The following PAPPA2 variants were observed in gnomAD, a reference collection of about 807,000 sequenced individuals.
PAPPA2 encodes the protein pappalysin 2, also known as pappalysin-2.
A neutral mutation model predicts 176.4 loss-of-function variants in PAPPA2; 86 were observed. The ratio of observed to expected loss-of-function variants is 0.49; its 90% CI spans 0.41 to 0.58. The LOEUF is 0.58. Among genes scored for constraint, PAPPA2 ranks in the 20% least tolerant of loss-of-function variants. PAPPA2 has a pLI of 0.00. For synonymous variants in PAPPA2, 809 were observed against 852.2 expected (o/e 0.95, Z 0.88); for missense variants, 2,073 against 2,256.9 (o/e 0.92, Z 1.65).
intron 2 of PAPPA2, among the ~76,000 whole-genome samples, chr1:176,582,869 T>A (rs190023495): frequency 1.4e-3 from 210 of 152,332 alleles, no homozygotes; most frequent in African/African-American, 5.0e-3. Context: ...AATTTTGTAG[T>A]AAAGCAGTGA....
At chr1:176,520,948 C>T (rs1299117241) in intron 1 of PAPPA2, among the ~76,000 whole-genome samples, 1 of 152,006 alleles carries the variant, frequency 6.6e-6, no homozygotes, top group African/African-American at 2.4e-5. Context: ...GACTCCTTTT[C>T]TAAATAAAAA....
chr1:176,819,452 G>C (rs958951960), intron 21 of PAPPA2, among the ~76,000 whole-genome samples: 1 of 151,422 alleles, frequency 6.6e-6, no homozygotes, highest in African/African-American at 2.4e-5. Context: ...AAGAAGAGTT[G>C]GTTCCACTTC....
intron 2 of PAPPA2, among the ~76,000 whole-genome samples, chr1:176,579,209 TC>T (rs760055955): frequency 4.6e-5 from 7 of 151,790 alleles, no homozygotes; most frequent in East Asian, 2.0e-4. Flanking sequence ...ATCTCACTTT[TC>T]TTTTTGTTAC....
At chr1:176,466,274 A>G (rs7527035) in intron 1 of PAPPA2, among the ~76,000 whole-genome samples, 46,785 of 152,114 alleles carry the variant, frequency 0.31, 11,158 homozygotes, top group African/African-American at 0.67. Flanking sequence ...CGGCCAAGCT[A>G]CTGTGGAAGG....
In PAPPA2 at chr1:176,594,944, G is replaced by T. The variant is rs1487227127; in HGVS notation, c.1340G>T (p.Gly447Val). Reference sequence around the variant, plus strand: ...CAGCACAGTTCTCAGCATTCAAGTGGGGAGGAGGAAGCGACTGACTTGGTC... The same window carrying T: ...CAGCACAGTTCTCAGCATTCAAGTGTGGAGGAGGAAGCGACTGACTTGGTC... ...HFQHSSQHSSGEEEATDLVLT... is the reference protein window; with the variant it reads ...HFQHSSQHSSVEEEATDLVLT... Residue 447 changes from glycine (G) to valine (V), a missense_variant, in exon 3 of 23, where the codon GGG becomes GTG. Transcript: ENST00000367662. 1 of 1,614,224 alleles carries T rather than the reference G, an allele frequency of 6.2e-7. No homozygotes were observed. Among genetic ancestry groups the T allele is most frequent in the African/African-American group, 1.3e-5 (1 of 75,066 alleles).
Position 176,556,294 on chromosome 1 carries a change from C to A in PAPPA2, c.-29C>A, listed in dbSNP as rs764955457. The A allele has an allele frequency of 6.3e-7, 1 of 1,596,870 alleles. No individual in the cohort carries two copies. The highest frequency in any genetic ancestry group is 8.5e-7 in the Non-Finnish European group (1 of 1,171,076). ...TGGTGTGGTACCCAGAAGTTGACTT[C>A]TGGTTCTGTAGAAAGAGCTAGGGGA... On this transcript the variant is annotated 5_prime_UTR_variant, in exon 2 of 23. The change creates a new upstream start codon in the 5' untranslated region. Coordinates refer to ENST00000367662, the MANE Select transcript of PAPPA2 (RefSeq NM_020318.3).
At chr1:176,732,951 CT>C (rs1662230306) in intron 12 of PAPPA2, among the ~76,000 whole-genome samples, 1 of 152,290 alleles carries the variant, frequency 6.6e-6, no homozygotes, top group Non-Finnish European at 1.5e-5. Context: ...TATTGCCCCC[CT>C]GAGCTCCACC....
chr1:176,629,056 G>T (rs906891392), intron 3 of PAPPA2, among the ~76,000 whole-genome samples: 1 of 152,192 alleles, frequency 6.6e-6, no homozygotes, highest in African/African-American at 2.4e-5. Flanking sequence ...TTCTCAGAGA[G>T]AGACATTTAC....
At chr1:176,482,033 G>C (rs1007151887) in intron 1 of PAPPA2, among the ~76,000 whole-genome samples, 9 of 152,136 alleles carry the variant, frequency 5.9e-5, no homozygotes, top group Non-Finnish European at 8.8e-5. Context: ...CATTTAAAAG[G>C]TTCTATCTGT....
At chr1:176,615,458 C>G (rs1573130636) in intron 3 of PAPPA2, among the ~76,000 whole-genome samples, 1 of 152,108 alleles carries the variant, frequency 6.6e-6, no homozygotes, top group East Asian at 1.9e-4. Context: ...CTACAGGTGC[C>G]TGCCACCATG....
chr1:176,699,182 G>C lies in PAPPA2; in HGVS notation c.2829G>C (p.Thr943=), dbSNP rs376986324. 3.1e-6 allele frequency: 5 copies of C among 1,613,954 alleles called. No individual in the cohort carries two copies. In the African/African-American group the frequency reaches 4.0e-5, roughly 13 times the overall value. The change falls in exon 8 of 23, where the codon ACG becomes ACC. Residue 943 remains threonine (T), a synonymous_variant. Transcript: ENST00000367662. ...TCCACCTGTACCACATGAACATGAC[G>C]GTCCCCTGCCCCACAGAAGGCTGTA... The part of the protein sequence containing the change: ...PEVHLYHMNM[T]VPCPTEGCSL...
chr1:176,664,276 G>T (rs992064253), intron 3 of PAPPA2, among the ~76,000 whole-genome samples: 2 of 152,168 alleles, frequency 1.3e-5, no homozygotes, highest in African/African-American at 2.4e-5. Context: ...ATGTCAACAA[G>T]GCTGCATGCC....
At chr1:176,519,253 G>C (rs1000935703) in intron 1 of PAPPA2, among the ~76,000 whole-genome samples, 1 of 152,084 alleles carries the variant, frequency 6.6e-6, no homozygotes, top group African/African-American at 2.4e-5. Flanking sequence ...TCAATACCAT[G>C]GTCAAGTGCA....
intron 1 of PAPPA2, among the ~76,000 whole-genome samples, chr1:176,503,714 G>T (rs542611392): frequency 6.6e-6 from 1 of 152,298 alleles, no homozygotes; most frequent in East Asian, 1.9e-4. Flanking sequence ...GGAGAAAGCA[G>T]TGTCTGTTCT....
chr1:176,550,916 C>T (rs78219483), intron 1 of PAPPA2, among the ~76,000 whole-genome samples: 5,858 of 152,164 alleles, frequency 0.038, 373 homozygotes, highest in African/African-American at 0.13. Context: ...CCTGGGAGGC[C>T]AGTGTTCGAT....
chr1:176,561,639 T>G (rs1457317602), intron 2 of PAPPA2, among the ~76,000 whole-genome samples: 1 of 152,194 alleles, frequency 6.6e-6, no homozygotes, highest in African/African-American at 2.4e-5. Flanking sequence ...CAGTACTATT[T>G]TGAATAAATT....
intron 17 of PAPPA2, among the ~76,000 whole-genome samples, chr1:176,780,433 A>G (rs1472291979): frequency 4.6e-5 from 7 of 152,154 alleles, no homozygotes; most frequent in Non-Finnish European, 8.8e-5. Flanking sequence ...CCCCAACAGT[A>G]GGTAGAAAAG....
chr1:176,713,762 C>T (rs1358629863), intron 12 of PAPPA2, among the ~76,000 whole-genome samples: 1 of 152,132 alleles, frequency 6.6e-6, no homozygotes, highest in Non-Finnish European at 1.5e-5. Context: ...TAACTGAGAT[C>T]CTCCAAATCA....
At chr1:176,804,190 A>G (rs1315940494) in intron 21 of PAPPA2, among the ~76,000 whole-genome samples, 1 of 152,168 alleles carries the variant, frequency 6.6e-6, no homozygotes, top group Admixed American at 6.6e-5. Flanking sequence ...ATTATCCATC[A>G]CAGAAGTATT....
Sources: gnomAD v4.1 joint callset for allele counts (sites outside exome capture counted in the v4.1 genomes callset) on GRCh38, gnomAD v4.1.1 for gene constraint, MANE v1.5 for transcripts, NCBI Gene and HGNC (gene_info 2026-07-23, HGNC 2026-07-21) for gene names.